TRRAP: variants seen among roughly 807,000 people sequenced by gnomAD.
TRRAP encodes transformation/transcription domain-associated protein.
Under a neutral mutation model 438.8 loss-of-function variants are expected in TRRAP, and 41 were observed. The ratio of observed to expected loss-of-function variants is 0.09; its 90% CI spans 0.07 to 0.12. TRRAP has a LOEUF of 0.12. Ranked by LOEUF, TRRAP falls within the 10% of genes least tolerant of loss-of-function variation. The pLI, the probability that TRRAP is intolerant of heterozygous loss-of-function variation, is 1.00. For synonymous variants in TRRAP, 1,994 were observed against 1,962.9 expected (o/e 1.02, Z -0.42); for missense variants, 3,122 against 5,055.1 (o/e 0.62, Z 11.60).
intron 33 of TRRAP, among the ~76,000 whole-genome samples, chr7:98,946,361 T>A (rs1791056531): frequency 6.6e-6 from 1 of 152,112 alleles, no homozygotes; most frequent in Non-Finnish European, 1.5e-5. Flanking sequence ...ATTTAAAACC[T>A]TACAGCTTGT....
chr7:98,933,635 G>C (rs1442178914), intron 27 of TRRAP, among the ~76,000 whole-genome samples: 1 of 152,206 alleles, frequency 6.6e-6, no homozygotes, highest in African/African-American at 2.4e-5. Flanking sequence ...TCAGAACTCT[G>C]TTAGCCCCAA....
chr7:98,970,077 G>A (rs1792343259), intron 51 of TRRAP, 35 bp from the exon 52 acceptor site: 1 of 1,607,392 alleles, frequency 6.2e-7, no homozygotes. Flanking sequence ...CCACGCGCAT[G>A]CCTTGGGTCT....
intron 19 of TRRAP, 36 bp downstream of exon 19, chr7:98,915,924 T>C (rs1274528195): frequency 2.5e-6 from 4 of 1,612,402 alleles, no homozygotes; most frequent in Non-Finnish European, 3.4e-6. Context: ...TTTAGTCTTG[T>C]GTGTCATGTA....
intron 30 of TRRAP, among the ~76,000 whole-genome samples, chr7:98,941,541 TATTCCTTTGGGAAAAA>T (rs1305760840): frequency 6.6e-6 from 1 of 152,238 alleles, no homozygotes; most frequent in African/African-American, 2.4e-5. Context: ...AGTGTCATTT[TATTCCTTTGGGAAAAA>T]AAGAATGGTG....
rs782454827 is a variant in TRRAP at position 98,897,839 on chromosome 7, G to A, written c.606G>A (p.Pro202=). The part of the protein sequence containing the change: ...MITTIAVKVN[P]EREDSETRTH... Reference sequence around the variant, plus strand: ...CAACGATTGCTGTGAAAGTCAACCCGGAGCGTGAGGACAGTGAGACTCGAA... The same window carrying A: ...CAACGATTGCTGTGAAAGTCAACCCAGAGCGTGAGGACAGTGAGACTCGAA... The change falls in exon 8 of 73, where the codon CCG becomes CCA. Residue 202 remains proline (P), a synonymous_variant. Coordinates refer to ENST00000456197, the MANE Select transcript of TRRAP (RefSeq NM_001375524.1). 34 of 1,614,038 alleles carry A rather than the reference G, an allele frequency of 2.1e-5. No individual in the cohort carries two copies. The highest frequency in any genetic ancestry group is 2.6e-5 in the Non-Finnish European group (31 of 1,180,006).
chr7:98,886,033 C>T lies in TRRAP; in HGVS notation c.150+4009C>T, dbSNP rs112914378. On this transcript the variant is annotated intron_variant, in intron 3 of 72. Transcript: ENST00000456197. ...GGTGTGGTGGCTGACGCCTGTAATC[C>T]CAGAACTTTGGGAGGCCGAGGCGGG... 5.5e-3 allele frequency among the ~76,000 whole-genome samples: 830 copies of T among 152,288 alleles called. 3 individuals carry two copies. The highest frequency in any genetic ancestry group is 0.018 in the African/African-American group (735 of 41,552).
intron 7 of TRRAP, 43 bp downstream of exon 7, chr7:98,895,863 C>T: frequency 8.1e-6 from 12 of 1,481,086 alleles, no homozygotes; most frequent in Non-Finnish European, 1.1e-5. Flanking sequence ...TTTGTTTATA[C>T]TTCCTTATTC....
At position 98,935,611 on chromosome 7, in the gene TRRAP, T is replaced by C. The variant is rs782740997; in HGVS notation, c.4047T>C (p.Ala1349=). Residue 1349 remains alanine (A), a synonymous_variant, in exon 28 of 73, where the codon GCT becomes GCC. Coordinates refer to ENST00000456197, the MANE Select transcript of TRRAP (RefSeq NM_001375524.1). ...LLNLCEAEDS[A]LTKLPCYKSL... ...ATTTGTGTGAGGCTGAAGATTCAGC[T>C]TTAACAAAGCTGCCCTGTTATAAAA... 30 of 1,605,260 alleles carry C rather than the reference T, an allele frequency of 1.9e-5. No homozygotes were observed. The highest frequency in any genetic ancestry group is 2.3e-5 in the Non-Finnish European group (27 of 1,172,616).
chr7:99,002,277 GCA>G (rs988821962), intron 67 of TRRAP, among the ~76,000 whole-genome samples: 3 of 152,194 alleles, frequency 2.0e-5, no homozygotes, highest in Non-Finnish European at 2.9e-5. Context: ...ACACATGTGC[GCA>G]CACACACGTG....
chr7:98,881,390 T>C lies in TRRAP; in HGVS notation c.100+140T>C. The C allele has an allele frequency of 4.4e-6, 3 of 679,370 alleles. No homozygotes were observed. The East Asian group carries it at 9.4e-5, about 21-fold the overall frequency. The allele number at this position is 679,370 out of a possible 1,614,324, so 42.1% of individuals were successfully genotyped here. ...GAGTTTGGGACTAGCCTGGCCAACATGGTGAAACCACGTCTCTACTAAAAT... is the reference window on the plus strand; with the variant it reads ...GAGTTTGGGACTAGCCTGGCCAACACGGTGAAACCACGTCTCTACTAAAAT... On this transcript the variant is annotated intron_variant, in intron 2 of 72. Transcript: ENST00000456197.
intron 1 of TRRAP, among the ~76,000 whole-genome samples, chr7:98,879,253 A>G (rs190831905): frequency 5.0e-4 from 76 of 152,292 alleles, no homozygotes; most frequent in Admixed American, 2.0e-3. Context: ...TCAGACACGC[A>G]GAATGGGGGC....
intron 3 of TRRAP, among the ~76,000 whole-genome samples, chr7:98,888,449 A>C (rs1795809904): frequency 6.6e-6 from 1 of 151,490 alleles, no homozygotes; most frequent in Admixed American, 6.6e-5. Flanking sequence ...AGGCAGGAGA[A>C]TCACTTGGAT....
chr7:98,912,576 T>TA (rs1247892079), intron 18 of TRRAP, among the ~76,000 whole-genome samples: 3 of 152,180 alleles, frequency 2.0e-5, no homozygotes, highest in African/African-American at 7.2e-5. Flanking sequence ...CCAGAACTCT[T>TA]ACGGTAAGCA....
intron 31 of TRRAP, 142 bp from the exon 32 acceptor site, chr7:98,945,605 T>A: frequency 1.1e-6 from 1 of 904,264 alleles, no homozygotes; most frequent in Non-Finnish European, 1.6e-6. Context: ...GTTGAGCATT[T>A]GTTAATTACT....
intron 47 of TRRAP, 86 bp downstream of exon 47, chr7:98,962,513 G>A (rs1791951244): frequency 2.5e-6 from 4 of 1,599,396 alleles, no homozygotes; most frequent in Non-Finnish European, 2.6e-6. Flanking sequence ...TTGGGAAAGG[G>A]CTCCGGTTGT....
In TRRAP at chr7:99,012,605, A is replaced by T. The variant is rs1193967462; in HGVS notation, c.*250A>T. ...GAAACTTATTCCAAGCTTTCAAAAT[A>T]ATCTTTTAAGAAGCCAGGATTCTCC... On this transcript the variant is annotated 3_prime_UTR_variant, in exon 73 of 73. Transcript: ENST00000456197. This position sits in a 1 kb window ranked among gnomAD's most constrained non-coding sequence, Gnocchi z 5.9. 1 of 525,150 alleles carries T rather than the reference A, an allele frequency of 1.9e-6. No homozygotes were observed. Among genetic ancestry groups the T allele is most frequent in the Non-Finnish European group, 3.3e-6 (1 of 303,566 alleles). 32.5% of individuals were successfully genotyped at this position (525,150 alleles called of 1,614,324 possible).
At chr7:98,966,756 TTAAAG>T (rs1161249681) in intron 49 of TRRAP, among the ~76,000 whole-genome samples, 3 of 152,208 alleles carry the variant, frequency 2.0e-5, no homozygotes, top group African/African-American at 4.8e-5. Flanking sequence ...CAAATAATAC[TTAAAG>T]TAAAAGTAAT....
At position 98,896,435 on chromosome 7, in the gene TRRAP, C is replaced by T. The variant is rs149927554; in HGVS notation, c.507+615C>T. On this transcript the variant is annotated intron_variant, in intron 7 of 72. Coordinates refer to ENST00000456197, the MANE Select transcript of TRRAP (RefSeq NM_001375524.1). ...TTTTTTGGCTGGGGGTGCGGGGGTA[C>T]GGGGTCTCTGTCTGCCCAGGCTGGA... Among the ~76,000 whole-genome samples the T allele has an allele frequency of 4.1e-4, 62 of 151,938 alleles. No homozygotes were observed. The East Asian group carries it at 8.5e-3, about 21-fold the overall frequency.
chr7:98,972,043 T>G, intron 53 of TRRAP, 98 bp downstream of exon 53: 1 of 1,459,972 alleles, frequency 6.8e-7, no homozygotes, highest in Non-Finnish European at 9.1e-7. Flanking sequence ...TTTTTCTGTT[T>G]CTTTTCTTTT....
Sources: allele counts gnomAD v4.1 joint callset (sites outside exome capture counted in the v4.1 genomes callset), GRCh38; gene constraint gnomAD v4.1.1; non-coding constraint Gnocchi (gnomAD v3.1); transcripts MANE v1.5; gene names NCBI Gene and HGNC (gene_info 2026-07-23, HGNC 2026-07-21).